Variants in IL1RAPL2 observed in about 807,000 individuals in gnomAD.
IL1RAPL2 encodes X-linked interleukin-1 receptor accessory protein-like 2.
A neutral mutation model predicts 44.1 loss-of-function variants in IL1RAPL2; 3 were observed. The observed-to-expected ratio is 0.07, with a 90% CI of 0.03 to 0.18. The LOEUF (loss-of-function observed/expected upper bound fraction) is 0.18. IL1RAPL2 is among the 10% of genes least tolerant of loss of function. The probability of loss-of-function intolerance (pLI) is 1.00; values close to 1 mark genes in which losing one functional copy is unlikely to be tolerated. For missense variants in IL1RAPL2, 391 were observed against 496.4 expected (o/e 0.79, Z 2.02); for synonymous variants, 181 against 178.8 (o/e 1.01, Z -0.10).
At chrX:105,279,749 A>G (rs1302058780) in intron 5 of IL1RAPL2, among the ~76,000 whole-genome samples, 1 of 112,119 alleles carries the variant, frequency 8.9e-6, no homozygotes, top group African/African-American at 3.2e-5. Flanking sequence ...AAGTGCTGGG[A>G]TTACAGGCGT....
At chrX:104,708,055 C>T (rs1434946264) in intron 2 of IL1RAPL2, among the ~76,000 whole-genome samples, 1 of 111,573 alleles carries the variant, frequency 9.0e-6, no homozygotes, top group Non-Finnish European at 1.9e-5. Context: ...TTAAGAATAA[C>T]AACCCATGAG....
At chrX:104,641,340 G>A (rs868029733) in intron 1 of IL1RAPL2, among the ~76,000 whole-genome samples, 13 of 111,458 alleles carry the variant, frequency 1.2e-4, no homozygotes, top group Non-Finnish European at 1.9e-4. Context: ...AAACTAGTCT[G>A]GGTAAGCTGC....
intron 2 of IL1RAPL2, among the ~76,000 whole-genome samples, chrX:104,843,665 C>T (rs1003353123): frequency 6.4e-5 from 7 of 109,406 alleles, no homozygotes; most frequent in South Asian, 4.1e-4. Context: ...CAGCTCCTTG[C>T]GCTTCCTGGG....
intron 2 of IL1RAPL2, among the ~76,000 whole-genome samples, chrX:104,746,475 C>T (rs1225513539): frequency 9.0e-6 from 1 of 111,349 alleles, no homozygotes; most frequent in African/African-American, 3.3e-5. Context: ...GAAGGATTGA[C>T]CTCTGCAAAT....
chrX:105,031,704 T>C (rs1361751123), intron 2 of IL1RAPL2, among the ~76,000 whole-genome samples: 2 of 111,967 alleles, frequency 1.8e-5, no homozygotes, highest in Non-Finnish European at 1.9e-5. Flanking sequence ...TCTAAAATTC[T>C]CTTTTTTGGT....
Position 105,219,701 on chromosome X carries a change from C to A in IL1RAPL2, c.357-14117C>A, listed in dbSNP as rs782617681. On this transcript the variant is annotated intron_variant, in intron 3 of 10. Transcript: ENST00000372582. The stretch of plus-strand genomic sequence containing the variant: ...GCTCCTTCTGTGCAAACCCCTCCGG[C>A]AGTGGCCAGGCCTGGCCACCCTGCC... 8.3e-6 allele frequency: 10 copies of A among 1,207,527 alleles called. No individual in the cohort carries two copies. In the East Asian group the frequency reaches 3.0e-4, roughly 36 times the overall value.
chrX:105,386,810 A>G (rs1156476471), intron 5 of IL1RAPL2, among the ~76,000 whole-genome samples: 7 of 111,791 alleles, frequency 6.3e-5, no homozygotes, highest in African/African-American at 2.3e-4. Context: ...GTGTTCATAT[A>G]ATGAATGTGG....
At chrX:104,828,118 G>C (rs1465626144) in intron 2 of IL1RAPL2, among the ~76,000 whole-genome samples, 1 of 111,550 alleles carries the variant, frequency 9.0e-6, no homozygotes, top group African/African-American at 3.3e-5. Flanking sequence ...CTTCTGAAGC[G>C]TACTTCTGTC....
At position 105,220,469 on chromosome X, in the gene IL1RAPL2, C is replaced by T. The variant is rs2033948749; in HGVS notation, c.357-13349C>T. On this transcript the variant is annotated intron_variant, in intron 3 of 10. Transcript: ENST00000372582. ...CAGCCAATAGGTTCCTTTCCTCCCC[C>T]TTAGCCCCTCCCCTCATCCATCTTC... The T allele has an allele frequency of 3.1e-6, 3 of 952,387 alleles. No homozygotes were observed. The Admixed American group carries it at 1.0e-4, about 32-fold the overall frequency. 78.5% of individuals were successfully genotyped at this position (952,387 alleles called of 1,213,427 possible).
intron 6 of IL1RAPL2, among the ~76,000 whole-genome samples, chrX:105,531,224 G>A (rs2036633359): frequency 1.8e-5 from 2 of 111,781 alleles, no homozygotes; most frequent in Admixed American, 9.5e-5. Flanking sequence ...CCTATTATCT[G>A]TATTTTGGAT....
chrX:104,843,284 C>T lies in IL1RAPL2; in HGVS notation c.82+184289C>T, dbSNP rs182054307. 1.3e-4 allele frequency among the ~76,000 whole-genome samples: 14 copies of T among 111,879 alleles called. No homozygotes were observed. In the East Asian group the frequency reaches 4.0e-3, roughly 32 times the overall value. ...CAAACTCAATCATCCCAGGTCGACT[C>T]CAGACTTCTGCACTGGCTGTGAGAA... On this transcript the variant is annotated intron_variant, in intron 2 of 10. Coordinates refer to ENST00000372582, the MANE Select transcript of IL1RAPL2 (RefSeq NM_017416.2).
intron 3 of IL1RAPL2, among the ~76,000 whole-genome samples, chrX:105,213,980 T>C (rs2033829439): frequency 9.3e-6 from 1 of 107,679 alleles, no homozygotes; most frequent in South Asian, 4.2e-4. Flanking sequence ...AAGGAAGTAC[T>C]AAATATGGAA....
intron 5 of IL1RAPL2, among the ~76,000 whole-genome samples, 162 bp downstream of exon 5, chrX:105,267,703 G>T (rs1384954223): frequency 8.9e-6 from 1 of 111,737 alleles, no homozygotes; most frequent in Non-Finnish European, 1.9e-5. Flanking sequence ...CTGAGTAAAA[G>T]CAATATATGG....
At chrX:105,025,748 T>G (rs1480729438) in intron 2 of IL1RAPL2, among the ~76,000 whole-genome samples, 1 of 111,586 alleles carries the variant, frequency 9.0e-6, no homozygotes, top group Non-Finnish European at 1.9e-5. Context: ...AGTGCTTCCC[T>G]TTTTAAGGAA....
intron 5 of IL1RAPL2, among the ~76,000 whole-genome samples, chrX:105,356,417 G>A (rs2035203633): frequency 9.0e-6 from 1 of 111,338 alleles, no homozygotes; most frequent in Non-Finnish European, 1.9e-5. Flanking sequence ...CACATAATGG[G>A]CTCTAATATC....
intron 5 of IL1RAPL2, among the ~76,000 whole-genome samples, chrX:105,480,242 T>C (rs2036225535): frequency 8.9e-6 from 1 of 112,309 alleles, no homozygotes; most frequent in African/African-American, 3.2e-5. Flanking sequence ...AATTGACCAA[T>C]CATTTCAGTC....
chrX:105,326,782 A>G (rs2034942649), intron 5 of IL1RAPL2, among the ~76,000 whole-genome samples: 1 of 111,381 alleles, frequency 9.0e-6, no homozygotes, highest in African/African-American at 3.3e-5. Context: ...CTGTAACTTT[A>G]TAGTACTTTT....
intron 1 of IL1RAPL2, among the ~76,000 whole-genome samples, chrX:104,638,783 G>T (rs1929876207): frequency 8.9e-6 from 1 of 112,048 alleles, no homozygotes; most frequent in Non-Finnish European, 1.9e-5. Flanking sequence ...CCTAACATAT[G>T]GTCTATTCTG....
At chrX:105,265,193 T>C in intron 4 of IL1RAPL2, among the ~76,000 whole-genome samples, 1 of 112,168 alleles carries the variant, frequency 8.9e-6, no homozygotes. Context: ...TGTGGGCTTA[T>C]TTGCCCACCC....
Sources: allele counts gnomAD v4.1 joint callset (sites outside exome capture counted in the v4.1 genomes callset), GRCh38; gene constraint gnomAD v4.1.1; transcripts MANE v1.5; gene names NCBI Gene and HGNC (gene_info 2026-07-23, HGNC 2026-07-21).